Variants in GRIN2A observed in about 807,000 individuals in gnomAD.
The protein encoded by GRIN2A is glutamate ionotropic receptor NMDA type subunit 2A, also known as glutamate receptor ionotropic, NMDA 2A.
Under a neutral mutation model 113.4 loss-of-function variants are expected in GRIN2A, and 22 were observed. The ratio of observed to expected loss-of-function variants is 0.19; its 90% CI spans 0.14 to 0.28. The LOEUF is 0.28. GRIN2A is among the 10% of genes least tolerant of loss of function. The pLI, the probability that GRIN2A is intolerant of heterozygous loss-of-function variation, is 1.00. For missense variants in GRIN2A, 1,502 were observed against 1,887.0 expected (o/e 0.80, Z 3.78); for synonymous variants, 827 against 738.4 (o/e 1.12, Z -1.94).
chr16:9,857,050 G>A (rs970471952), intron 4 of GRIN2A, among the ~76,000 whole-genome samples: 5 of 152,168 alleles, frequency 3.3e-5, no homozygotes, highest in South Asian at 2.1e-4. Flanking sequence ...TTATAACCTC[G>A]GTGTAATTAT....
At chr16:9,860,521 C>G (rs1350735289) in intron 4 of GRIN2A, among the ~76,000 whole-genome samples, 2 of 150,248 alleles carry the variant, frequency 1.3e-5, no homozygotes, top group South Asian at 2.1e-4. Context: ...TTATCTTTAT[C>G]CTATGGGCAA....
chr16:10,085,610 C>T (rs2142067018), intron 2 of GRIN2A, among the ~76,000 whole-genome samples: 1 of 152,194 alleles, frequency 6.6e-6, no homozygotes, highest in East Asian at 1.9e-4. Flanking sequence ...TTGGCCGTGT[C>T]AAACCTGTAT....
intron 3 of GRIN2A, among the ~76,000 whole-genome samples, chr16:9,903,735 ACAC>A (rs1341296147): frequency 2.0e-5 from 3 of 152,206 alleles, no homozygotes; most frequent in African/African-American, 7.2e-5. Flanking sequence ...CATGTGGCAC[ACAC>A]CACTTAGAGG....
chr16:9,980,232 G>A (rs933852700), intron 2 of GRIN2A, among the ~76,000 whole-genome samples: 4 of 150,990 alleles, frequency 2.6e-5, no homozygotes, highest in East Asian at 3.9e-4. Context: ...GAGATCACAC[G>A]ACTGCACTCC....
At chr16:9,993,151 T>TGAAC (rs1389885795) in intron 2 of GRIN2A, among the ~76,000 whole-genome samples, 1 of 152,144 alleles carries the variant, frequency 6.6e-6, no homozygotes, top group African/African-American at 2.4e-5. Context: ...AAGAATCATT[T>TGAAC]GAACCCTAGA....
At chr16:9,898,500 C>T (rs1367139533) in intron 3 of GRIN2A, among the ~76,000 whole-genome samples, 1 of 152,156 alleles carries the variant, frequency 6.6e-6, no homozygotes, top group Non-Finnish European at 1.5e-5. Context: ...GTTCTCTAGA[C>T]ATATTTATTA....
At chr16:10,124,113 G>C (rs76790181) in intron 2 of GRIN2A, among the ~76,000 whole-genome samples, 1 of 152,086 alleles carries the variant, frequency 6.6e-6, no homozygotes, top group African/African-American at 2.4e-5. Flanking sequence ...CATCAGCTTA[G>C]GTTGTTAAAA....
In GRIN2A at chr16:9,781,074, C is replaced by T. The variant is rs527940692; in HGVS notation, c.2357-11985G>A. On this transcript the variant is annotated intron_variant, in intron 11 of 12. Coordinates refer to ENST00000330684, the MANE Select transcript of GRIN2A (RefSeq NM_001134407.3). Reference sequence around the variant, plus strand: ...CCATACGGTCTCTATCACAACTACTCAACTCTGCCTTTGTAGCACAAAAAC... The same window carrying T: ...CCATACGGTCTCTATCACAACTACTTAACTCTGCCTTTGTAGCACAAAAAC... Among the ~76,000 whole-genome samples the T allele has an allele frequency of 3.3e-5, 5 of 150,890 alleles. No homozygotes were observed. The East Asian group carries it at 7.8e-4, about 24-fold the overall frequency.
At chr16:9,873,468 A>C in intron 4 of GRIN2A, among the ~76,000 whole-genome samples, 1 of 152,146 alleles carries the variant, frequency 6.6e-6, no homozygotes, top group East Asian at 1.9e-4. Flanking sequence ...TGGGAGGCTG[A>C]GGCAGGAGAA....
chr16:9,855,520 G>A (rs146942579), intron 4 of GRIN2A, among the ~76,000 whole-genome samples: 1 of 152,158 alleles, frequency 6.6e-6, no homozygotes, highest in African/African-American at 2.4e-5. Flanking sequence ...CTGATTGGGT[G>A]TCATTCTCCT....
At chr16:9,829,314 G>T in intron 9 of GRIN2A, 109 bp downstream of exon 9, 1 of 717,480 alleles carries the variant, frequency 1.4e-6, no homozygotes. Flanking sequence ...TCTGGCTTTT[G>T]TGCATTCGAG....
intron 5 of GRIN2A, among the ~76,000 whole-genome samples, chr16:9,848,082 T>C (rs1224933020): frequency 6.8e-6 from 1 of 147,332 alleles, no homozygotes; most frequent in African/African-American, 2.5e-5. Context: ...TATAAACTTG[T>C]ACATTAACTA....
At chr16:9,922,991 T>C (rs1372069119) in intron 3 of GRIN2A, among the ~76,000 whole-genome samples, 1 of 152,184 alleles carries the variant, frequency 6.6e-6, no homozygotes, top group Non-Finnish European at 1.5e-5. Context: ...AAGCAAATAT[T>C]AGGTCAACTT....
In GRIN2A at chr16:9,761,398, C is replaced by T. The variant is rs1025593492; in HGVS notation, c.*1751G>A. The T allele has an allele frequency of 1.2e-4, 27 of 230,426 alleles. No homozygotes were observed. Among genetic ancestry groups the T allele is most frequent in the African/African-American group, 4.0e-4 (18 of 45,168 alleles). 14.3% of individuals were successfully genotyped at this position (230,426 alleles called of 1,614,324 possible). A position where few individuals can be genotyped will look rare whatever the true frequency, so the allele number is the denominator to read the frequency against. On this transcript the variant is annotated 3_prime_UTR_variant, in exon 13 of 13. Transcript: ENST00000330684. ...AGGAGGAAACCAGGAAATGGCCAGG[C>T]GAGTCTACATTAGCTTAGTGTTTCC... is the stretch of plus-strand genomic sequence containing the variant.
intron 2 of GRIN2A, among the ~76,000 whole-genome samples, chr16:10,046,651 C>G (rs2047265160): frequency 6.6e-6 from 1 of 152,188 alleles, no homozygotes; most frequent in South Asian, 2.1e-4. Flanking sequence ...CAGCTACACA[C>G]ACACACACAG....
At chr16:9,773,103 G>A (rs371101890) in intron 11 of GRIN2A, among the ~76,000 whole-genome samples, 119 of 152,232 alleles carry the variant, frequency 7.8e-4, no homozygotes, top group African/African-American at 2.7e-3. Flanking sequence ...GTAATCTCCT[G>A]GAGGGAGATC....
intron 11 of GRIN2A, among the ~76,000 whole-genome samples, chr16:9,785,205 A>G (rs1210022966): frequency 6.6e-6 from 1 of 152,158 alleles, no homozygotes; most frequent in Non-Finnish European, 1.5e-5. Context: ...TCCAACAATG[A>G]TAGACTGGAT....
rs774364952 is a variant in GRIN2A, at chr16:9,757,799, CAG to C, written c.*5348_*5349del. ...GTTTTCTCTTCTAGGAACTTTAAGA[CAG>C]GGATTGTGAGGGAGTTTAAAGGAAA... On this transcript the variant is annotated 3_prime_UTR_variant, in exon 13 of 13. Transcript: ENST00000330684. The C allele has an allele frequency of 4.5e-6, 1 of 221,810 alleles. No individual in the cohort carries two copies. Among genetic ancestry groups the C allele is most frequent in the Non-Finnish European group, 9.0e-6 (1 of 110,800 alleles). 13.7% of individuals were successfully genotyped at this position (221,810 alleles called of 1,614,324 possible).
intron 2 of GRIN2A, among the ~76,000 whole-genome samples, chr16:10,021,582 A>C (rs1052326604): frequency 1.6e-4 from 24 of 152,344 alleles, no homozygotes; most frequent in African/African-American, 5.8e-4. Flanking sequence ...AAAGATAGGC[A>C]GGAGGGGATT....
Sources: allele counts gnomAD v4.1 joint callset (sites outside exome capture counted in the v4.1 genomes callset), GRCh38; gene constraint gnomAD v4.1.1; transcripts MANE v1.5; gene names NCBI Gene and HGNC (gene_info 2026-07-23, HGNC 2026-07-21).